GPR161: variants seen among roughly 807,000 people sequenced by gnomAD.
GPR161 encodes G protein-coupled receptor 161.
A neutral mutation model predicts 39.2 loss-of-function variants in GPR161; 25 were observed. That is an observed-to-expected ratio of 0.64 (90% CI 0.47 to 0.89). GPR161 has a LOEUF of 0.89. GPR161 is among the 40% of genes least tolerant of loss of function. GPR161 has a pLI of 0.00. For synonymous variants in GPR161, 286 were observed against 276.6 expected (o/e 1.03, Z -0.34); for missense variants, 547 against 677.8 (o/e 0.81, Z 2.14).
chr1:168,109,230 T>C (rs1236520293), intron 1 of GPR161, among the ~76,000 whole-genome samples: 1 of 152,214 alleles, frequency 6.6e-6, no homozygotes, highest in Non-Finnish European at 1.5e-5. Context: ...TGGATGTCAC[T>C]GATGTGAACA....
chr1:168,090,412 T>C, intron 4 of GPR161, 152 bp downstream of exon 4: 1 of 530,638 alleles, frequency 1.9e-6, no homozygotes, highest in Non-Finnish European at 3.4e-6. Flanking sequence ...AAGCCACGAC[T>C]GGAAACCCAG....
At position 168,082,346 on chromosome 1, in the gene GPR161, G is replaced by A. The variant is rs1459178914; in HGVS notation, c.*3185C>T. The A allele has an allele frequency of 6.6e-6, 1 of 152,174 alleles. No individual in the cohort carries two copies. Among genetic ancestry groups the A allele is most frequent in the African/African-American group, 2.4e-5 (1 of 41,430 alleles). 9.4% of individuals were successfully genotyped at this position (152,174 alleles called of 1,614,324 possible). On this transcript the variant is annotated 3_prime_UTR_variant, in exon 6 of 6. Coordinates refer to ENST00000682931, the MANE Select transcript of GPR161 (RefSeq NM_001375883.1). ...CCAAGGCCGTGGACTACACGATAAGGGCAAAGGAATTCAAAACAAGAGTGC... is the reference window on the plus strand; with the variant it reads ...CCAAGGCCGTGGACTACACGATAAGAGCAAAGGAATTCAAAACAAGAGTGC...
chr1:168,113,766 T>C (rs1697408466), intron 1 of GPR161, among the ~76,000 whole-genome samples: 1 of 152,206 alleles, frequency 6.6e-6, no homozygotes, highest in African/African-American at 2.4e-5. Flanking sequence ...TCTCACCTAT[T>C]AGTGGAAGCT....
chr1:168,123,921 T>C (rs1448597906), intron 1 of GPR161, among the ~76,000 whole-genome samples: 2 of 152,228 alleles, frequency 1.3e-5, no homozygotes, highest in Non-Finnish European at 2.9e-5. Context: ...CCCCAGCTAG[T>C]CAACCCCTTT....
chr1:168,105,501 C>T (rs751739293), intron 1 of GPR161, among the ~76,000 whole-genome samples: 5 of 152,198 alleles, frequency 3.3e-5, no homozygotes, highest in African/African-American at 7.2e-5. Flanking sequence ...TTTTGGTGCA[C>T]ATTACAATTT....
chr1:168,125,624 C>CT (rs35233372), intron 1 of GPR161, among the ~76,000 whole-genome samples: 40,940 of 142,096 alleles, frequency 0.29, 6,916 homozygotes, highest in African/African-American at 0.47. Context: ...CTTCCCCCCC[C>CT]TTTTTTTTTT....
Position 168,084,503 on chromosome 1 carries a change from G to A in GPR161, c.*1028C>T. On this transcript the variant is annotated 3_prime_UTR_variant, in exon 6 of 6. Transcript: ENST00000682931. ...AGACAGAGCTGGGCCAATAACCCAG[G>A]TTGCTGGCTGTGGGTCCAGGGCTGC... 3.1e-6 allele frequency: 1 copy of A among 325,538 alleles called. No individual in the cohort carries two copies. Among genetic ancestry groups the A allele is most frequent in the Non-Finnish European group, 5.9e-6 (1 of 168,800 alleles). The allele number at this position is 325,538 out of a possible 1,614,324, so 20.2% of individuals were successfully genotyped here.
At chr1:168,113,013 T>C (rs947766431) in intron 1 of GPR161, among the ~76,000 whole-genome samples, 4 of 152,054 alleles carry the variant, frequency 2.6e-5, no homozygotes, top group African/African-American at 9.6e-5. Flanking sequence ...TGCCAGGAGG[T>C]CTGGAGTAGC....
intron 2 of GPR161, among the ~76,000 whole-genome samples, chr1:168,097,549 T>TGG (rs1695675585): frequency 6.6e-6 from 1 of 152,164 alleles, no homozygotes; most frequent in Non-Finnish European, 1.5e-5. Flanking sequence ...GATTATGCAT[T>TGG]GGGCCAGATC....
chr1:168,093,952 A>G (rs1012802357), intron 3 of GPR161, among the ~76,000 whole-genome samples: 2 of 33,496 alleles, frequency 6.0e-5, no homozygotes, highest in Non-Finnish European at 1.4e-4. Context: ...CCCCCACCCC[A>G]GCTCCCATTC....
chr1:168,087,542 G>C (rs753023666), intron 5 of GPR161, 43 bp downstream of exon 5: 1 of 1,609,898 alleles, frequency 6.2e-7, no homozygotes, highest in Non-Finnish European at 8.5e-7. Context: ...GATCCTTTCC[G>C]TTTCCCTATG....
At position 168,097,222 on chromosome 1, in the gene GPR161, C is replaced by G; in HGVS notation, c.385G>C (p.Val129Leu). ...GVIAIDRYYA[V>L]LYPMVYPMKI... is the part of the protein sequence containing the mutation. ...ATGGGGTACACCATGGGGTACAGGACAGCATAGTAGCTAGAAAAGGGATGG... is the reference window on the plus strand; with the variant it reads ...ATGGGGTACACCATGGGGTACAGGAGAGCATAGTAGCTAGAAAAGGGATGG... The change falls in exon 3 of 6, where the codon GTC becomes CTC. Residue 129 changes from valine to leucine, a missense_variant. Val to Leu is a conservative substitution (Grantham distance 32). Coordinates refer to ENST00000682931, the MANE Select transcript of GPR161 (RefSeq NM_001375883.1). 4 of 1,611,396 alleles carry G rather than the reference C, an allele frequency of 2.5e-6. No individual in the cohort carries two copies. The highest frequency in any genetic ancestry group is 3.4e-6 in the Non-Finnish European group (4 of 1,178,398).
intron 1 of GPR161, among the ~76,000 whole-genome samples, chr1:168,124,225 G>A (rs574421036): frequency 2.4e-4 from 36 of 152,080 alleles, no homozygotes; most frequent in African/African-American, 8.2e-4. Flanking sequence ...AAAATCAAAC[G>A]TTCTCATCAT....
At chr1:168,120,056 A>G (rs1324891632) in intron 1 of GPR161, among the ~76,000 whole-genome samples, 1 of 152,142 alleles carries the variant, frequency 6.6e-6, no homozygotes, top group Non-Finnish European at 1.5e-5. Context: ...TGTGAAGAGG[A>G]CCACCATCCT....
At chr1:168,102,394 G>A (rs906978052) in intron 2 of GPR161, among the ~76,000 whole-genome samples, 1 of 152,142 alleles carries the variant, frequency 6.6e-6, no homozygotes, top group Admixed American at 6.5e-5. Flanking sequence ...GCGCCCACAA[G>A]TCAGCCTCTG....
chr1:168,119,268 GTGTATATA>G (rs1697950900), intron 1 of GPR161, among the ~76,000 whole-genome samples: 1 of 100,198 alleles, frequency 1.0e-5, no homozygotes, highest in African/African-American at 5.1e-5. Flanking sequence ...GTATATATAT[GTGTATATA>G]TATATATATA....
intron 2 of GPR161, among the ~76,000 whole-genome samples, chr1:168,099,637 AG>A (rs1336661348): frequency 6.6e-6 from 1 of 152,150 alleles, no homozygotes; most frequent in Non-Finnish European, 1.5e-5. Context: ...ACTGAGGTTC[AG>A]GCACAGGGAG....
chr1:168,087,552 G>A (rs1448917464), intron 5 of GPR161, 33 bp downstream of exon 5: 2 of 1,612,542 alleles, frequency 1.2e-6, no homozygotes, highest in Admixed American at 1.7e-5. Context: ...GTTTCCCTAT[G>A]TTTTCTTGAA....
intron 5 of GPR161, 142 bp from the exon 6 acceptor site, chr1:168,085,938 G>T: frequency 1.5e-6 from 1 of 678,894 alleles, no homozygotes; most frequent in Non-Finnish European, 2.4e-6. Context: ...TCCATTCCTA[G>T]ACCAAAAGCT....
Sources: gnomAD v4.1 joint callset for allele counts (sites outside exome capture counted in the v4.1 genomes callset) on GRCh38, gnomAD v4.1.1 for gene constraint, MANE v1.5 for transcripts, NCBI Gene and HGNC (gene_info 2026-07-23, HGNC 2026-07-21) for gene names.